The following COQ2 variants were observed in gnomAD, a reference collection of about 807,000 sequenced individuals.
COQ2 encodes the protein 4-hydroxybenzoate polyprenyltransferase, mitochondrial.
In COQ2, 25 loss-of-function variants were observed where a neutral mutation model predicts 35.7. That is an observed-to-expected ratio of 0.70 (90% confidence interval 0.51 to 0.98). COQ2 has a LOEUF of 0.98. Ranked by LOEUF, COQ2 falls within the 50% of genes least tolerant of loss-of-function variation. The pLI is 0.00. For synonymous variants in COQ2, 206 were observed against 186.2 expected, an observed-to-expected ratio of 1.11 and a Z score of -0.86; for missense variants, 488 against 473.5, an observed-to-expected ratio of 1.03 and a Z score of -0.28.
Position 83,267,492 on chromosome 4 carries a change from T to C in COQ2, c.951+94A>G. 3 of 1,173,884 alleles carry C rather than the reference T, an allele frequency of 2.6e-6. No homozygotes were observed. The South Asian group carries it at 4.7e-5, about 19-fold the overall frequency. 72.7% of individuals were successfully genotyped at this position (1,173,884 alleles called of 1,614,324 possible). A position where few individuals can be genotyped will look rare whatever the true frequency, so the allele number is the denominator to read the frequency against. Reference sequence around the variant, plus strand: ...GAAGCCAAGTAGTTGTTTAAGAAGTTCCTTGCCAGGTAAACACAGAGGGCA... The same window carrying C: ...GAAGCCAAGTAGTTGTTTAAGAAGTCCCTTGCCAGGTAAACACAGAGGGCA... On this transcript the variant is annotated intron_variant, in intron 6 of 6. Coordinates refer to ENST00000647002, the MANE Select transcript of COQ2 (RefSeq NM_001358921.2).
chr4:83,269,843 A>G lies in COQ2; in HGVS notation c.762+17T>C. On this transcript the variant is annotated intron_variant, in intron 5 of 6. Coordinates refer to ENST00000647002, the MANE Select transcript of COQ2 (RefSeq NM_001358921.2). Reference sequence around the variant, plus strand: ...AGCAACAACTAAACCAAAGTTAAGAAAAGATAATTTCTTTACCTGATGGGC... The same window carrying G: ...AGCAACAACTAAACCAAAGTTAAGAGAAGATAATTTCTTTACCTGATGGGC... 2 of 1,525,778 alleles carry G rather than the reference A, an allele frequency of 1.3e-6. No homozygotes were observed. The allele number at this position is 1,525,778 out of a possible 1,614,324, so 94.5% of individuals were successfully genotyped here.
chr4:83,285,011 C>G (rs1735439315), upstream of COQ2: 1 of 862,306 alleles, frequency 1.2e-6, no homozygotes, highest in Admixed American at 3.4e-5. Flanking sequence ...TAATTTTTTA[C>G]AACTCGATCT....
intron 2 of COQ2, among the ~76,000 whole-genome samples, 178 bp from the exon 3 acceptor site, chr4:83,273,795 A>G (rs1735103027): frequency 6.6e-6 from 1 of 151,952 alleles, no homozygotes; most frequent in Admixed American, 6.6e-5. Flanking sequence ...AAGAACTAAA[A>G]ATTCCCATCA....
chr4:83,284,236 C>A (rs1024195556), intron 1 of COQ2: 4 of 985,464 alleles, frequency 4.1e-6, no homozygotes, highest in Non-Finnish European at 4.8e-6. Context: ...AGACGTGAAA[C>A]TGGCGGGTCC....
chr4:83,267,167 G>T (rs764964075), intron 6 of COQ2: 3 of 453,638 alleles, frequency 6.6e-6, no homozygotes, highest in South Asian at 4.7e-5. Flanking sequence ...CTTGAAGCCA[G>T]GAATTTCAGA....
chr4:83,278,687 C>G (rs1410222332), intron 2 of COQ2, among the ~76,000 whole-genome samples: 1 of 152,228 alleles, frequency 6.6e-6, no homozygotes, highest in African/African-American at 2.4e-5. Flanking sequence ...CTCCCTCACC[C>G]TCAGTCTTCC....
upstream of COQ2, among the ~76,000 whole-genome samples, chr4:83,285,068 C>T (rs1381374091): frequency 6.6e-6 from 1 of 152,024 alleles, no homozygotes; most frequent in Admixed American, 6.6e-5. Context: ...AGAACGGGGT[C>T]TCTGAGGAAA....
rs1577983375 is a variant in COQ2 at position 83,267,859 on chromosome 4, G to T, written c.763-85C>A. 3.1e-5 allele frequency: 34 copies of T among 1,113,074 alleles called. 1 individual carries two copies. In the South Asian group the frequency reaches 4.6e-4, roughly 15 times the overall value. 68.9% of individuals were successfully genotyped at this position (1,113,074 alleles called of 1,614,324 possible). ...CACATTTTGAAGTATCAGATTTAGTGTTTTTTTGTATATTCACAAGGTTGT... is the reference window on the plus strand; with the variant it reads ...CACATTTTGAAGTATCAGATTTAGTTTTTTTTTGTATATTCACAAGGTTGT... On this transcript the variant is annotated intron_variant, in intron 5 of 6. Coordinates refer to ENST00000647002, the MANE Select transcript of COQ2 (RefSeq NM_001358921.2).
At chr4:83,274,143 A>G (rs1735112754) in intron 2 of COQ2, among the ~76,000 whole-genome samples, 5 of 151,972 alleles carry the variant, frequency 3.3e-5, no homozygotes, top group Admixed American at 3.3e-4. Context: ...TGACACAGCA[A>G]CCCTGTGTCA....
intron 1 of COQ2, among the ~76,000 whole-genome samples, chr4:83,279,379 A>G (rs1043572065): frequency 6.6e-6 from 1 of 152,222 alleles, no homozygotes; most frequent in Admixed American, 6.5e-5. Flanking sequence ...GCTCTTATAC[A>G]TATGAAAAGA....
chr4:83,267,630 A>C lies in COQ2; in HGVS notation c.907T>G (p.Tyr303Asp). ...VGVNSGQTAPYYAALGAVGAH... is the reference protein window; with the variant it reads ...VGVNSGQTAPDYAALGAVGAH... ...CCTACAGCACCCAGGGCAGCGTAGT[A>C]GGGAGCAGTCTGTCCACTGTTCACA... is the stretch of plus-strand genomic sequence containing the variant. The change falls in exon 6 of 7, where the codon TAC becomes GAC. Residue 303 changes from tyrosine (Y) to aspartate (D), a missense_variant. Tyr to Asp is a radical substitution (Grantham distance 160). Coordinates refer to ENST00000647002, the MANE Select transcript of COQ2 (RefSeq NM_001358921.2). The C allele has an allele frequency of 6.3e-7, 1 of 1,585,814 alleles. No individual in the cohort carries two copies. Among genetic ancestry groups the C allele is most frequent in the South Asian group, 1.2e-5 (1 of 86,500 alleles).
At chr4:83,274,496 T>G (rs1735121224) in intron 2 of COQ2, among the ~76,000 whole-genome samples, 1 of 152,188 alleles carries the variant, frequency 6.6e-6, no homozygotes. Flanking sequence ...TGCCCAGCCC[T>G]TTTAATCTTC....
chr4:83,278,738 GC>G (rs1426022019), intron 2 of COQ2, among the ~76,000 whole-genome samples: 2 of 152,178 alleles, frequency 1.3e-5, no homozygotes, highest in Non-Finnish European at 2.9e-5. Flanking sequence ...TACACACCTT[GC>G]CCCTGGGGCC....
At position 83,279,005 on chromosome 4, in the gene COQ2, C is replaced by G; in HGVS notation, c.363G>C (p.Leu121=). The part of the protein sequence containing the change: ...MLSLFGTGAI[L]MRGAGCTIND... Reference sequence around the variant, plus strand: ...TAATAGTACAGCCTGCTCCACGCATCAGAATAGCTCCAGTGCCAAAGAGGG... The same window carrying G: ...TAATAGTACAGCCTGCTCCACGCATGAGAATAGCTCCAGTGCCAAAGAGGG... Residue 121 remains leucine (L), a synonymous_variant, in exon 2 of 7, where the codon CTG becomes CTC. Coordinates refer to ENST00000647002, the MANE Select transcript of COQ2 (RefSeq NM_001358921.2). 1.2e-6 allele frequency: 2 copies of G among 1,608,850 alleles called. No individual in the cohort carries two copies. The highest frequency in any genetic ancestry group is 8.5e-7 in the Non-Finnish European group (1 of 1,177,484).
chr4:83,281,629 G>A (rs1735324080), intron 1 of COQ2: 1 of 152,162 alleles, frequency 6.6e-6, no homozygotes, highest in Admixed American at 6.5e-5. Context: ...GTTAAGAGAT[G>A]ACAATATTAA....
chr4:83,272,524 G>A (rs1408471691), intron 3 of COQ2, among the ~76,000 whole-genome samples: 2 of 152,044 alleles, frequency 1.3e-5, no homozygotes, highest in African/African-American at 4.8e-5. Flanking sequence ...CTTTTTTGCA[G>A]ATGGGAAAAC....
At chr4:83,283,771 C>A (rs989947569) in intron 1 of COQ2, 1 of 985,234 alleles carries the variant, frequency 1.0e-6, no homozygotes, top group African/African-American at 1.7e-5. Flanking sequence ...AATCAACAAG[C>A]GCATAAGGTT....
At chr4:83,269,823 C>G in intron 5 of COQ2, 37 bp downstream of exon 5, 1 of 1,481,428 alleles carries the variant, frequency 6.8e-7, no homozygotes, top group South Asian at 1.4e-5. Context: ...AAAACAGCAA[C>G]AACTAAACCA....
chr4:83,276,027 TTTATATAATATATAAAATA>T (rs1452689614), intron 2 of COQ2, among the ~76,000 whole-genome samples: 1 of 23,008 alleles, frequency 4.3e-5, no homozygotes, highest in South Asian at 2.5e-3. Flanking sequence ...AATATATATT[TTTATATAATATATAAAATA>T]TATATTATAT....
Sources: gnomAD v4.1 joint callset for allele counts (sites outside exome capture counted in the v4.1 genomes callset) on GRCh38, gnomAD v4.1.1 for gene constraint, MANE v1.5 for transcripts, NCBI Gene and HGNC (gene_info 2026-07-23, HGNC 2026-07-21) for gene names.